CPVL: variants seen among roughly 807,000 people sequenced by gnomAD.
CPVL encodes the protein carboxypeptidase vitellogenic like.
CPVL carries 51 observed loss-of-function variants against 63.7 expected under a neutral mutation model. That is an observed-to-expected ratio of 0.80 (90% CI 0.64 to 1.01). CPVL has a LOEUF of 1.01. CPVL is among the 50% of genes least tolerant of loss of function. The pLI is 0.00. For missense variants in CPVL, 530 were observed against 573.1 expected (o/e 0.92, Z 0.77); for synonymous variants, 195 against 206.0 (o/e 0.95, Z 0.46).
chr7:29,110,935 A>G (rs1562774091), intron 3 of CPVL, among the ~76,000 whole-genome samples: 1 of 152,234 alleles, frequency 6.6e-6, no homozygotes, highest in African/African-American at 2.4e-5. Context: ...TTGAAGCTGG[A>G]GGAAGGGACC....
At chr7:29,068,416 T>C (rs959759034) in intron 9 of CPVL, among the ~76,000 whole-genome samples, 3 of 152,138 alleles carry the variant, frequency 2.0e-5, no homozygotes, top group African/African-American at 7.2e-5. Flanking sequence ...TAGAAGGCGG[T>C]GTGGGTGGAG....
intron 1 of CPVL, among the ~76,000 whole-genome samples, chr7:29,134,064 T>G (rs1044728404): frequency 6.6e-6 from 1 of 152,122 alleles, no homozygotes; most frequent in African/African-American, 2.4e-5. Context: ...ACTCTAGACT[T>G]GGGAATATAA....
chr7:29,039,177 A>G (rs1258704166), intron 11 of CPVL, among the ~76,000 whole-genome samples: 3 of 152,240 alleles, frequency 2.0e-5, no homozygotes, highest in African/African-American at 7.2e-5. Context: ...CCTTTTAACA[A>G]TTCAAATCAT....
rs1383806354 is a variant in CPVL at position 29,022,919 on chromosome 7, G to A, written c.1320+7658C>T. Among the ~76,000 whole-genome samples the A allele has an allele frequency of 2.0e-5, 3 of 152,232 alleles. No individual in the cohort carries two copies. In the East Asian group the frequency reaches 5.8e-4, roughly 29 times the overall value. On this transcript the variant is annotated intron_variant, in intron 12 of 12. Transcript: ENST00000265394. ...CAATACACCTTTCCCGCCAATGCTG[G>A]AGCCCATGCATTCCTTCCAGGGACC...
At chr7:29,179,324 T>G (rs1195667806) in intron 5 of CPVL, among the ~76,000 whole-genome samples, 1 of 152,220 alleles carries the variant, frequency 6.6e-6, no homozygotes, top group Non-Finnish European at 1.5e-5. Flanking sequence ...CTCCCTTCAC[T>G]CTTTGCTAGA....
intron 1 of CPVL, chr7:29,194,664 C>G (rs1356594715): frequency 5.8e-6 from 2 of 345,578 alleles, no homozygotes; most frequent in Non-Finnish European, 5.2e-6. Flanking sequence ...CCGGCTGCCC[C>G]TCGGCCTCCC....
chr7:29,045,388 T>C (rs1325711197), intron 11 of CPVL, among the ~76,000 whole-genome samples: 1 of 152,250 alleles, frequency 6.6e-6, no homozygotes, highest in African/African-American at 2.4e-5. Context: ...GGTTTTCGAA[T>C]GTACACTATT....
intron 1 of CPVL, among the ~76,000 whole-genome samples, chr7:29,133,009 T>C (rs572292146): frequency 1.3e-5 from 2 of 152,300 alleles, no homozygotes; most frequent in African/African-American, 4.8e-5. Context: ...CCAGCCAAAA[T>C]GTCTTCACAC....
At chr7:29,041,875 TTA>T (rs151056220) in intron 11 of CPVL, among the ~76,000 whole-genome samples, 5 of 151,830 alleles carry the variant, frequency 3.3e-5, no homozygotes, top group Admixed American at 6.6e-5. Context: ...TATGATGACA[TTA>T]TATATATATA....
rs191993230 is a variant in CPVL, at chr7:29,193,495, A to G, written c.-448+1582T>C. 214 of 152,312 alleles carry G rather than the reference A, an allele frequency of 1.4e-3. 1 individual carries two copies. Among genetic ancestry groups the G allele is most frequent in the African/African-American group, 5.0e-3 (208 of 41,558 alleles). The allele number at this position is 152,312 out of a possible 1,614,324, so 9.4% of individuals were successfully genotyped here. On this transcript the variant is annotated intron_variant, in intron 1 of 16. Transcript: ENST00000409850. ...TCCATTTTTGCTATATAATGAGAGT[A>G]CTTTCATTCCTTTAATGTTTGCTTT... is the stretch of plus-strand genomic sequence containing the variant.
At chr7:29,049,849 A>C (rs1789974860) in intron 11 of CPVL, among the ~76,000 whole-genome samples, 1 of 152,206 alleles carries the variant, frequency 6.6e-6, no homozygotes, top group African/African-American at 2.4e-5. Flanking sequence ...CCAGGGATGC[A>C]GGGATGGTTT....
At chr7:29,018,552 T>G (rs1024581197) in intron 12 of CPVL, among the ~76,000 whole-genome samples, 36 of 151,992 alleles carry the variant, frequency 2.4e-4, no homozygotes, top group African/African-American at 8.0e-4. Flanking sequence ...CTAATTTTTG[T>G]ATTTTTAGTA....
intron 11 of CPVL, among the ~76,000 whole-genome samples, chr7:29,038,253 G>A (rs1788739165): frequency 6.6e-6 from 1 of 152,122 alleles, no homozygotes; most frequent in African/African-American, 2.4e-5. Flanking sequence ...GGCCTTTGGA[G>A]GGTGATTAGG....
chr7:29,140,666 G>A (rs1791774721), intron 1 of CPVL, among the ~76,000 whole-genome samples: 2 of 152,170 alleles, frequency 1.3e-5, no homozygotes, highest in African/African-American at 2.4e-5. Flanking sequence ...TGAGGAAGCA[G>A]CATAATTCTC....
At position 29,067,213 on chromosome 7, in the gene CPVL, G is replaced by C. The variant is rs142940303; in HGVS notation, c.865-1092C>G. On this transcript the variant is annotated intron_variant, in intron 9 of 12. Transcript: ENST00000265394. ...GGAGGAGAACAAGATCATTGAAAAA[G>C]AGGAGGCTGAGGCACCAAGGACCAG... 5.9e-4 allele frequency among the ~76,000 whole-genome samples: 90 copies of C among 152,276 alleles called. No homozygotes were observed. In the East Asian group the frequency reaches 0.01, roughly 17 times the overall value.
At chr7:29,179,057 C>G (rs1447745762) in intron 5 of CPVL, among the ~76,000 whole-genome samples, 3 of 152,196 alleles carry the variant, frequency 2.0e-5, no homozygotes, top group Admixed American at 6.5e-5. Flanking sequence ...CAGCATCTCT[C>G]TTGGTGTCAG....
At chr7:29,116,490 TTGAAG>T (rs1485752515) in intron 2 of CPVL, among the ~76,000 whole-genome samples, 1 of 152,242 alleles carries the variant, frequency 6.6e-6, no homozygotes, top group Non-Finnish European at 1.5e-5. Context: ...AAGGTTTTCT[TTGAAG>T]TGATTTTACT....
intron 12 of CPVL, among the ~76,000 whole-genome samples, chr7:29,028,690 C>T (rs1340254497): frequency 1.3e-5 from 2 of 151,884 alleles, no homozygotes; most frequent in Non-Finnish European, 1.5e-5. Context: ...AAGGGCCAGG[C>T]GTGGTGGCTC....
chr7:29,138,782 C>G (rs1321197387), intron 1 of CPVL, among the ~76,000 whole-genome samples: 1 of 152,188 alleles, frequency 6.6e-6, no homozygotes, highest in Non-Finnish European at 1.5e-5. Flanking sequence ...CTCCCATCTC[C>G]TGAACAGAGA....
Sources: allele counts gnomAD v4.1 joint callset (sites outside exome capture counted in the v4.1 genomes callset), GRCh38; gene constraint gnomAD v4.1.1; transcripts MANE v1.5; gene names NCBI Gene and HGNC (gene_info 2026-07-23, HGNC 2026-07-21).